Variants in ACP3 observed in about 807,000 individuals in gnomAD.
ACP3 encodes the protein prostatic acid phosphatase.
ACP3 carries 38 observed loss-of-function variants against 45.6 expected under a neutral mutation model. That is an observed-to-expected ratio of 0.83 (90% confidence interval 0.64 to 1.09). ACP3 has a LOEUF of 1.09. Among genes scored for constraint, ACP3 ranks in the 50% least tolerant of loss-of-function variants. The pLI, the probability that ACP3 is intolerant of heterozygous loss-of-function variation, is 0.00. For synonymous variants in ACP3, 162 were observed against 164.7 expected (o/e 0.98, Z 0.13); for missense variants, 466 against 463.2 (o/e 1.01, Z -0.05).
Position 132,324,166 on chromosome 3 carries a change from C to A in ACP3, c.121-4101C>A, listed in dbSNP as rs1937255265. On this transcript the variant is annotated intron_variant, in intron 1 of 9. Coordinates refer to ENST00000336375, the MANE Select transcript of ACP3 (RefSeq NM_001099.5). The stretch of plus-strand genomic sequence containing the variant: ...CTGGGAGGCAGAGGTTGCAGTGAGC[C>A]AAGATCATGCCATTGCACTCCAGCC... Among the ~76,000 whole-genome samples the A allele has an allele frequency of 2.2e-5, 3 of 138,020 alleles. No individual in the cohort carries two copies. In the South Asian group the frequency reaches 7.4e-4, roughly 34 times the overall value. The allele number at this position is 138,020 out of a possible 152,430, so 90.5% of individuals were successfully genotyped here.
At chr3:132,344,863 A>G in intron 6 of ACP3, 64 bp from the exon 7 acceptor site, 1 of 1,570,458 alleles carries the variant, frequency 6.4e-7, no homozygotes, top group South Asian at 1.2e-5. Flanking sequence ...GAAAAAGGAT[A>G]AGTCAACAAA....
rs780824368 is a variant in ACP3, at chr3:132,352,741, C to T, written c.886C>T (p.Leu296=). ...GTAGCATGACACTACTGTGAGTGGC[C>T]TACAGATGGCGCTAGATGTTTACAA... The part of the protein sequence containing the change: ...YSAHDTTVSG[L]QMALDVYNGL... The change falls in exon 9 of 10, where the codon CTA becomes TTA. Residue 296 remains leucine, a synonymous_variant. Coordinates refer to ENST00000336375, the MANE Select transcript of ACP3 (RefSeq NM_001099.5). 62 of 1,613,222 alleles carry T rather than the reference C, an allele frequency of 3.8e-5. No individual in the cohort carries two copies. Among genetic ancestry groups the T allele is most frequent in the Non-Finnish European group, 5.0e-5 (59 of 1,179,330 alleles).
At chr3:132,365,494 G>C (rs1201848835) in intron 10 of ACP3, among the ~76,000 whole-genome samples, 3 of 152,204 alleles carry the variant, frequency 2.0e-5, no homozygotes, top group African/African-American at 7.2e-5. Flanking sequence ...GGCCAGAAGT[G>C]AGTGAGTGAA....
chr3:132,343,776 C>T (rs1407624022), intron 6 of ACP3, among the ~76,000 whole-genome samples: 1 of 152,110 alleles, frequency 6.6e-6, no homozygotes, highest in Non-Finnish European at 1.5e-5. Context: ...TGTACTTAAC[C>T]ATTCATTTAA....
downstream of ACP3, among the ~76,000 whole-genome samples, chr3:132,362,379 G>A (rs182323374): frequency 1.3e-5 from 2 of 152,094 alleles, no homozygotes; most frequent in African/African-American, 4.8e-5. Flanking sequence ...TAGGATTGGT[G>A]GGTCAAGATA....
At position 132,342,593 on chromosome 3, in the gene ACP3, C is replaced by T. The variant is rs1436212934; in HGVS notation, c.597C>T (p.Gly199=). The change falls in exon 6 of 10, where the codon GGC becomes GGT. Residue 199 remains glycine (G), a synonymous_variant. Coordinates refer to ENST00000336375, the MANE Select transcript of ACP3 (RefSeq NM_001099.5). The stretch of plus-strand genomic sequence containing the variant: ...TGGGAAAACTTTCAGGATTACATGG[C>T]CAGGACCTTTTTGGAATTTGGAGTA... ...ATLGKLSGLH[G]QDLFGIWSKV... 6.2e-7 allele frequency: 1 copy of T among 1,612,624 alleles called. No homozygotes were observed. The highest frequency in any genetic ancestry group is 1.7e-5 in the Admixed American group (1 of 59,634).
chr3:132,325,364 A>G (rs1484494330), intron 1 of ACP3, among the ~76,000 whole-genome samples: 2 of 152,148 alleles, frequency 1.3e-5, no homozygotes, highest in African/African-American at 2.4e-5. Context: ...GGGGAGTACA[A>G]TTATTTCTGA....
At chr3:132,338,909 A>G (rs1378559064) in intron 5 of ACP3, among the ~76,000 whole-genome samples, 1 of 152,056 alleles carries the variant, frequency 6.6e-6, no homozygotes, top group Non-Finnish European at 1.5e-5. Flanking sequence ...CAGGGGTACA[A>G]ATGCAGGTTT....
chr3:132,362,254 T>A (rs1938054226), downstream of ACP3, among the ~76,000 whole-genome samples: 1 of 152,176 alleles, frequency 6.6e-6, no homozygotes, highest in Non-Finnish European at 1.5e-5. Context: ...ATGCCACAAG[T>A]AATAGGATCA....
intron 6 of ACP3, among the ~76,000 whole-genome samples, chr3:132,343,792 A>G (rs1163289191): frequency 1.3e-5 from 2 of 152,136 alleles, no homozygotes; most frequent in African/African-American, 4.8e-5. Flanking sequence ...TTTAACGCAT[A>G]TTTACCAAGT....
At chr3:132,365,276 G>C (rs1938111388) in intron 10 of ACP3, among the ~76,000 whole-genome samples, 2 of 152,196 alleles carry the variant, frequency 1.3e-5, no homozygotes, top group African/African-American at 4.8e-5. Flanking sequence ...AAGTGTTTTG[G>C]AAGATGAGGA....
At chr3:132,352,361 C>CATT (rs367631196) in intron 8 of ACP3, among the ~76,000 whole-genome samples, 2 of 135,598 alleles carry the variant, frequency 1.5e-5, no homozygotes, top group Non-Finnish European at 3.2e-5. Flanking sequence ...CCACACCCAG[C>CATT]TTTTTTTTTT....
At chr3:132,317,648 G>A in intron 1 of ACP3, 72 bp downstream of exon 1, 1 of 1,495,040 alleles carries the variant, frequency 6.7e-7, no homozygotes, top group Non-Finnish European at 9.0e-7. Context: ...GCAAGCGTCA[G>A]GTTTCATCTT....
chr3:132,362,987 T>G (rs3905051), downstream of ACP3, among the ~76,000 whole-genome samples: 32,115 of 152,154 alleles, frequency 0.21, 3,801 homozygotes, highest in East Asian at 0.55. Context: ...TCTCTTTGTA[T>G]TAAGATACAA....
At chr3:132,332,139 A>G in intron 3 of ACP3, 53 bp from the exon 4 acceptor site, 1 of 1,610,152 alleles carries the variant, frequency 6.2e-7, no homozygotes, top group South Asian at 1.1e-5. Context: ...CTCTGTAGAA[A>G]AAAACCTCAT....
chr3:132,328,612 G>A (rs1937345197), intron 2 of ACP3, among the ~76,000 whole-genome samples: 1 of 148,802 alleles, frequency 6.7e-6, no homozygotes, highest in South Asian at 2.2e-4. Context: ...CTGGGAAGTG[G>A]AGGTTGCAGT....
At chr3:132,337,001 G>T (rs1276305608) in intron 4 of ACP3, among the ~76,000 whole-genome samples, 3 of 152,014 alleles carry the variant, frequency 2.0e-5, no homozygotes, top group African/African-American at 7.3e-5. Flanking sequence ...GTTAATGAGT[G>T]GTTAATTGAC....
chr3:132,357,163 G>C lies in ACP3; in HGVS notation c.*285G>C, dbSNP rs1937926524. On this transcript the variant is annotated 3_prime_UTR_variant, in exon 10 of 10. Coordinates refer to ENST00000336375, the MANE Select transcript of ACP3 (RefSeq NM_001099.5). ...GATAAAGCTTAGGTCAAAGTTCATA[G>C]AGTTCCCATGAACTATATGACTGGC... The C allele has an allele frequency of 9.0e-7, 1 of 1,110,984 alleles. No homozygotes were observed. The highest frequency in any genetic ancestry group is 1.6e-5 in the African/African-American group (1 of 61,530). 68.8% of individuals were successfully genotyped at this position (1,110,984 alleles called of 1,614,324 possible). A position where few individuals can be genotyped will look rare whatever the true frequency, so the allele number is the denominator to read the frequency against.
At chr3:132,352,638 G>T in intron 8 of ACP3, 82 bp from the exon 9 acceptor site, 1 of 904,920 alleles carries the variant, frequency 1.1e-6, no homozygotes, top group Non-Finnish European at 1.8e-6. Context: ...TGAATCAGAA[G>T]CCATCATGGT....
Sources: gnomAD v4.1 joint callset for allele counts (sites outside exome capture counted in the v4.1 genomes callset) on GRCh38, gnomAD v4.1.1 for gene constraint, MANE v1.5 for transcripts, NCBI Gene and HGNC (gene_info 2026-07-23, HGNC 2026-07-21) for gene names.